RHEB: variants seen among roughly 807,000 people sequenced by gnomAD.
The protein encoded by RHEB is Ras homolog, mTORC1 binding.
Under a neutral mutation model 28.8 loss-of-function variants are expected in RHEB, and 2 were observed. That is an observed-to-expected ratio of 0.07 (90% confidence interval 0.03 to 0.22). The LOEUF (loss-of-function observed/expected upper bound fraction) is 0.22. Among genes scored for constraint, RHEB ranks in the 10% least tolerant of loss-of-function variants. The pLI is 1.00. For missense variants in RHEB, 76 were observed against 219.9 expected, an observed-to-expected ratio of 0.35 and a Z score of 4.14; for synonymous variants, 69 against 77.3, an observed-to-expected ratio of 0.89 and a Z score of 0.56.
rs1802068423 is a variant in RHEB, at chr7:151,466,621, A to C, written c.*498T>G. ...GGCCACATCTTCACTGGTTTCTGGA[A>C]TCCAACCTGGGGCCTTCCTGAAGCC... On this transcript the variant is annotated 3_prime_UTR_variant, in exon 8 of 8. Transcript: ENST00000262187. The C allele has an allele frequency of 6.4e-6, 1 of 155,958 alleles. No individual in the cohort carries two copies. Among genetic ancestry groups the C allele is most frequent in the South Asian group, 2.0e-4 (1 of 5,068 alleles). The allele number at this position is 155,958 out of a possible 1,614,324, so 9.7% of individuals were successfully genotyped here.
At chr7:151,511,287 G>T (rs1424628955) in intron 1 of RHEB, among the ~76,000 whole-genome samples, 1 of 152,182 alleles carries the variant, frequency 6.6e-6, no homozygotes, top group African/African-American at 2.4e-5. Context: ...GTGGGATGGT[G>T]TATCTTGCTA....
chr7:151,491,965 G>A (rs146943800), intron 1 of RHEB, among the ~76,000 whole-genome samples: 1 of 152,256 alleles, frequency 6.6e-6, no homozygotes, highest in African/African-American at 2.4e-5. Flanking sequence ...GTCTACTGGA[G>A]GACTTTAGAA....
chr7:151,500,679 C>G (rs1034952610), intron 1 of RHEB, among the ~76,000 whole-genome samples: 1 of 151,986 alleles, frequency 6.6e-6, no homozygotes, highest in Non-Finnish European at 1.5e-5. Flanking sequence ...CCAGTCTCTA[C>G]AAAAAATTTT....
intron 1 of RHEB, among the ~76,000 whole-genome samples, chr7:151,499,760 G>T (rs1376807468): frequency 6.6e-6 from 1 of 152,228 alleles, no homozygotes; most frequent in African/African-American, 2.4e-5. Context: ...TCAACAGGGA[G>T]AAAGGTACTA....
At chr7:151,467,263 A>T in intron 7 of RHEB, 52 bp from the exon 8 acceptor site, 1 of 1,330,340 alleles carries the variant, frequency 7.5e-7, no homozygotes, top group Non-Finnish European at 1.1e-6. Flanking sequence ...CCGAACTCCG[A>T]GAGTATTTTA....
chr7:151,483,410 A>G (rs1802412412), intron 3 of RHEB, among the ~76,000 whole-genome samples: 2 of 152,032 alleles, frequency 1.3e-5, no homozygotes, highest in African/African-American at 4.8e-5. Context: ...TGCTACTCTT[A>G]TCCTTTGATT....
rs1444882414 is a variant in RHEB at position 151,467,136 on chromosome 7, A to G, written c.538T>C (p.Ser180Pro). The part of the protein sequence containing the change: ...MDGAASQGKS[S>P]CSVM ...CAGCAGAATCACATCACCGAGCATG[A>G]AGACTTGCCTTGTGAAGCTGCCCCG... The change falls in exon 8 of 8, where the codon TCA becomes CCA. Residue 180 changes from serine (S) to proline (P), a missense_variant. Physicochemically the swap from Ser to Pro is moderately conservative, Grantham distance 74 (BLOSUM62 -1). Coordinates refer to ENST00000262187, the MANE Select transcript of RHEB (RefSeq NM_005614.4). 1 of 1,613,238 alleles carries G rather than the reference A, an allele frequency of 6.2e-7. No individual in the cohort carries two copies. The highest frequency in any genetic ancestry group is 1.3e-5 in the African/African-American group (1 of 75,022).
In RHEB at chr7:151,519,701, C is replaced by T. The variant is rs1803148787; in HGVS notation, c.-190G>A. 1.0e-5 allele frequency: 4 copies of T among 388,674 alleles called. No individual in the cohort carries two copies. Among genetic ancestry groups the T allele is most frequent in the Non-Finnish European group, 1.8e-5 (4 of 225,806 alleles). 24.1% of individuals were successfully genotyped at this position (388,674 alleles called of 1,614,324 possible). On this transcript the variant is annotated 5_prime_UTR_variant, in exon 1 of 8. Transcript: ENST00000262187. The stretch of plus-strand genomic sequence containing the variant: ...CGGAACCGACCGCGCGGCGGCGCCC[C>T]TCCCCCCCACAACACGCCCACGTGA...
At chr7:151,474,673 A>G (rs1326702604) in intron 4 of RHEB, among the ~76,000 whole-genome samples, 1 of 152,210 alleles carries the variant, frequency 6.6e-6, no homozygotes, top group East Asian at 1.9e-4. Flanking sequence ...TCTAGAAATT[A>G]TGAAATAGGA....
rs1013396841 is a variant in RHEB, at chr7:151,491,141, T to C, written c.53-127A>G. 10 of 631,832 alleles carry C rather than the reference T, an allele frequency of 1.6e-5. No individual in the cohort carries two copies. The South Asian group carries it at 2.0e-4, about 12-fold the overall frequency. 39.1% of individuals were successfully genotyped at this position (631,832 alleles called of 1,614,324 possible). The stretch of plus-strand genomic sequence containing the variant: ...AGGTATCAGGGTCAGAAAACATTCA[T>C]TTAATTAGCATGTGAGCAATTTCAA... On this transcript the variant is annotated intron_variant, in intron 1 of 7. Transcript: ENST00000262187.
Position 151,519,519 on chromosome 7 carries a change from G to A in RHEB, c.-8C>T. Reference sequence around the variant, plus strand: ...GGACTTGGACTGCGGCATCTTGGCGGCCTCCTCAGCCCCGGCCCAACCACA... The same window carrying A: ...GGACTTGGACTGCGGCATCTTGGCGACCTCCTCAGCCCCGGCCCAACCACA... On this transcript the variant is annotated 5_prime_UTR_variant, in exon 1 of 8. Transcript: ENST00000262187. 1 of 1,550,152 alleles carries A rather than the reference G, an allele frequency of 6.5e-7. No individual in the cohort carries two copies. The highest frequency in any genetic ancestry group is 8.7e-7 in the Non-Finnish European group (1 of 1,149,584).
chr7:151,500,044 C>T (rs1802745289), intron 1 of RHEB, among the ~76,000 whole-genome samples: 3 of 152,146 alleles, frequency 2.0e-5, no homozygotes, highest in African/African-American at 2.4e-5. Flanking sequence ...TCAAGCGGTC[C>T]GCCCATTCTG....
intron 7 of RHEB, among the ~76,000 whole-genome samples, chr7:151,469,110 A>G (rs1802114750): frequency 1.3e-5 from 2 of 152,222 alleles, no homozygotes. Context: ...AACTGAGCTG[A>G]CTTCGATAAA....
In RHEB at chr7:151,468,314, T is replaced by C. The variant is rs1057044193; in HGVS notation, c.463-1103A>G. ...TCCCTTAACCACTTCTTGCTGCTCC[T>C]TTCCCTCTCGGTCAGCTCAGACTCA... On this transcript the variant is annotated intron_variant, in intron 7 of 7. Transcript: ENST00000262187. The surrounding 1 kb of genome is among the most constrained non-coding windows in gnomAD (Gnocchi z 4.3). Among the ~76,000 whole-genome samples the C allele has an allele frequency of 6.6e-6, 1 of 152,226 alleles. No individual in the cohort carries two copies. The highest frequency in any genetic ancestry group is 2.4e-5 in the African/African-American group (1 of 41,454).
chr7:151,487,849 C>T (rs1197450261), intron 2 of RHEB, among the ~76,000 whole-genome samples: 1 of 152,206 alleles, frequency 6.6e-6, no homozygotes, highest in Non-Finnish European at 1.5e-5. Flanking sequence ...CCTAAGTAGA[C>T]TAATAGCTAT....
At chr7:151,496,710 C>T (rs1180717564) in intron 1 of RHEB, among the ~76,000 whole-genome samples, 3 of 152,190 alleles carry the variant, frequency 2.0e-5, no homozygotes, top group Non-Finnish European at 4.4e-5. Flanking sequence ...TTCCACTACT[C>T]TTTTGTAAGA....
intron 1 of RHEB, among the ~76,000 whole-genome samples, chr7:151,508,243 T>C (rs1014071151): frequency 6.6e-6 from 1 of 152,292 alleles, no homozygotes; most frequent in East Asian, 1.9e-4. Context: ...TAACACAGTA[T>C]GAGGAAAATG....
rs574131543 is a variant in RHEB at position 151,502,529 on chromosome 7, T to G, written c.53-11515A>C. On this transcript the variant is annotated intron_variant, in intron 1 of 7. Transcript: ENST00000262187. ...AAAGAAAGTCAACGTTGACTTTGAA[T>G]CTTTCAAACCAATTAATACGTCATT... 5.9e-6 allele frequency: 6 copies of G among 1,010,384 alleles called. No individual in the cohort carries two copies. The South Asian group carries it at 7.6e-5, about 13-fold the overall frequency. The allele number at this position is 1,010,384 out of a possible 1,614,324, so 62.6% of individuals were successfully genotyped here. A position where few individuals can be genotyped will look rare whatever the true frequency, so the allele number is the denominator to read the frequency against.
intron 1 of RHEB, among the ~76,000 whole-genome samples, chr7:151,512,238 C>T (rs893058466): frequency 1.8e-4 from 27 of 152,248 alleles, no homozygotes; most frequent in African/African-American, 5.5e-4. Flanking sequence ...CAGTTGTTTG[C>T]GAACTTGTTA....
Sources: allele counts gnomAD v4.1 joint callset (sites outside exome capture counted in the v4.1 genomes callset), GRCh38; gene constraint gnomAD v4.1.1; non-coding constraint Gnocchi (gnomAD v3.1); transcripts MANE v1.5; gene names NCBI Gene and HGNC (gene_info 2026-07-23, HGNC 2026-07-21).